Variants in PROM1 observed in about 807,000 individuals in gnomAD.
PROM1 encodes prominin-1.
Under a neutral mutation model 116.9 loss-of-function variants are expected in PROM1, and 105 were observed. The observed-to-expected ratio is 0.90, with a 90% CI of 0.77 to 1.06. The LOEUF (loss-of-function observed/expected upper bound fraction) is 1.06, where lower values mean the gene tolerates loss of function less well. Ranked by LOEUF, PROM1 falls within the 50% of genes least tolerant of loss-of-function variation. PROM1 has a pLI of 0.00. For synonymous variants in PROM1, 393 were observed against 387.0 expected (o/e 1.02, Z -0.18); for missense variants, 1,122 against 1,045.2 (o/e 1.07, Z -1.01).
chr4:15,999,954 G>A (rs1466381527), intron 14 of PROM1, among the ~76,000 whole-genome samples: 1 of 152,184 alleles, frequency 6.6e-6, no homozygotes, highest in African/African-American at 2.4e-5. Context: ...GAGTCGGTGG[G>A]AGTTGGACTG....
At chr4:16,050,766 T>A (rs1232390722) in intron 2 of PROM1, among the ~76,000 whole-genome samples, 1 of 152,238 alleles carries the variant, frequency 6.6e-6, no homozygotes, top group Non-Finnish European at 1.5e-5. Flanking sequence ...TGCAAAAAAA[T>A]TTTGAAATCC....
intron 2 of PROM1, among the ~76,000 whole-genome samples, chr4:16,061,465 T>C (rs1740292577): frequency 6.6e-6 from 1 of 152,202 alleles, no homozygotes; most frequent in Non-Finnish European, 1.5e-5. Context: ...AATGTATGTA[T>C]ACACAATAGA....
chr4:16,008,380 A>C (rs1469348617), intron 12 of PROM1, among the ~76,000 whole-genome samples: 1 of 152,228 alleles, frequency 6.6e-6, no homozygotes, highest in African/African-American at 2.4e-5. Flanking sequence ...TGGGCACCAC[A>C]GCCACTCACC....
intron 2 of PROM1, among the ~76,000 whole-genome samples, chr4:16,053,816 C>T (rs898292458): frequency 3.9e-5 from 6 of 152,166 alleles, no homozygotes; most frequent in South Asian, 2.1e-4. Flanking sequence ...TTTATAAGGC[C>T]GGGCACAGTG....
At chr4:15,980,303 TAAAAA>T (rs58036643) in intron 24 of PROM1, 114 bp downstream of exon 24, 100 of 609,840 alleles carry the variant, frequency 1.6e-4, no homozygotes, top group Middle Eastern at 5.4e-4. Flanking sequence ...CAACTACTAC[TAAAAA>T]AAAAAAAAAA....
Position 15,999,762 on chromosome 4 carries a change from T to C in PROM1, c.1578+734A>G, listed in dbSNP as rs529933729. On this transcript the variant is annotated intron_variant, in intron 14 of 27. Coordinates refer to ENST00000447510, the MANE Select transcript of PROM1 (RefSeq NM_006017.3). Reference sequence around the variant, plus strand: ...AAATACTGTGACAACAGTATTCTCCTGATTTCATAACAGATCTTAGGCGGA... The same window carrying C: ...AAATACTGTGACAACAGTATTCTCCCGATTTCATAACAGATCTTAGGCGGA... Among the ~76,000 whole-genome samples, 3 of 152,202 alleles carry C rather than the reference T, an allele frequency of 2.0e-5. No individual in the cohort carries two copies. In the South Asian group the frequency reaches 6.2e-4, roughly 32 times the overall value.
intron 2 of PROM1, among the ~76,000 whole-genome samples, chr4:16,042,172 A>G (rs1297204137): frequency 1.3e-5 from 2 of 152,210 alleles, no homozygotes; most frequent in African/African-American, 4.8e-5. Context: ...CACTGACAGG[A>G]TTTGTTGCCA....
chr4:15,982,741 C>G (rs952588358), intron 23 of PROM1, among the ~76,000 whole-genome samples: 2 of 152,226 alleles, frequency 1.3e-5, no homozygotes, highest in East Asian at 1.9e-4. Context: ...TCTGGACTCC[C>G]CTAATGAAGG....
At chr4:16,065,484 A>T (rs966807674) in intron 2 of PROM1, among the ~76,000 whole-genome samples, 1 of 152,168 alleles carries the variant, frequency 6.6e-6, no homozygotes. Flanking sequence ...CATACCTCAT[A>T]GTAAGCACGG....
intron 2 of PROM1, among the ~76,000 whole-genome samples, chr4:16,064,345 A>G (rs1741027121): frequency 6.6e-6 from 1 of 152,230 alleles, no homozygotes; most frequent in Non-Finnish European, 1.5e-5. Context: ...CAAAATGTTG[A>G]GCAAAAGAAG....
chr4:16,026,151 G>C (rs16892832), intron 5 of PROM1, among the ~76,000 whole-genome samples: 10,278 of 152,080 alleles, frequency 0.068, 481 homozygotes, highest in East Asian at 0.19. Context: ...CATCTTACAG[G>C]AAAGCCTTCT....
rs1742909675 is a variant in PROM1, at chr4:16,071,933, T to C, written c.220+3754A>G. Among the ~76,000 whole-genome samples the C allele has an allele frequency of 2.0e-5, 3 of 152,210 alleles. No homozygotes were observed. The South Asian group carries it at 6.2e-4, about 32-fold the overall frequency. On this transcript the variant is annotated intron_variant, in intron 2 of 27. Transcript: ENST00000447510. ...ACCCTGCCACCAATATCCTTTCAGG[T>C]TTGAATGAATGAACAAGAGACTCTT...
At chr4:16,065,178 A>ACGGCATGACATTCCAGAGC (rs1477697666) in intron 2 of PROM1, among the ~76,000 whole-genome samples, 53 of 152,232 alleles carry the variant, frequency 3.5e-4, no homozygotes, top group African/African-American at 1.2e-3. Context: ...CAGCACCCTG[A>ACGGCATGACATTCCAGAGC]CGGCATGACA....
intron 13 of PROM1, 82 bp from the exon 14 acceptor site, chr4:16,000,701 C>A: frequency 8.3e-7 from 1 of 1,202,672 alleles, no homozygotes; most frequent in South Asian, 1.8e-5. Context: ...TACCTATACT[C>A]TATAAAATAG....
intron 8 of PROM1, among the ~76,000 whole-genome samples, chr4:16,020,391 T>C (rs1322097380): frequency 6.6e-6 from 1 of 152,188 alleles, no homozygotes; most frequent in Non-Finnish European, 1.5e-5. Flanking sequence ...CTCCCACCTA[T>C]CATCCAGTAT....
chr4:16,067,476 G>A (rs1033160776), intron 2 of PROM1, among the ~76,000 whole-genome samples: 10 of 152,178 alleles, frequency 6.6e-5, no homozygotes, highest in South Asian at 4.1e-4. Context: ...CTGTTGACTC[G>A]CCTAAATCCC....
At chr4:15,982,019 G>T (rs763167986) in intron 23 of PROM1, among the ~76,000 whole-genome samples, 3 of 152,184 alleles carry the variant, frequency 2.0e-5, no homozygotes, top group Non-Finnish European at 4.4e-5. Context: ...TATTCCAAAT[G>T]ATGTAACCTT....
At chr4:16,017,799 G>A (rs1375397605) in intron 9 of PROM1, among the ~76,000 whole-genome samples, 1 of 152,082 alleles carries the variant, frequency 6.6e-6, no homozygotes, top group Non-Finnish European at 1.5e-5. Context: ...TCCAGCCTGG[G>A]AAACAGAGTG....
At chr4:16,042,980 G>A (rs1162685870) in intron 2 of PROM1, among the ~76,000 whole-genome samples, 1 of 151,970 alleles carries the variant, frequency 6.6e-6, no homozygotes, top group Non-Finnish European at 1.5e-5. Flanking sequence ...TTTTGCTTTT[G>A]GAAACTATAG....
Sources: gnomAD v4.1 joint callset for allele counts (sites outside exome capture counted in the v4.1 genomes callset) on GRCh38, gnomAD v4.1.1 for gene constraint, MANE v1.5 for transcripts, NCBI Gene and HGNC (gene_info 2026-07-23, HGNC 2026-07-21) for gene names.